Variants in CUX1 observed in about 807,000 individuals in gnomAD.
CUX1 encodes protein CASP.
CUX1 carries 31 observed loss-of-function variants against 158.8 expected under a neutral mutation model. The observed-to-expected ratio is 0.20, with a 90% CI of 0.15 to 0.26. CUX1 has a LOEUF of 0.26. CUX1 is among the 10% of genes least tolerant of loss of function. CUX1 has a pLI of 1.00. For synonymous variants in CUX1, 879 were observed against 862.1 expected, an observed-to-expected ratio of 1.02 and a Z score of -0.34; for missense variants, 1,589 against 2,014.6, an observed-to-expected ratio of 0.79 and a Z score of 4.04.
At chr7:102,159,004 AG>A (rs1563326669) in intron 9 of CUX1, among the ~76,000 whole-genome samples, 1 of 149,002 alleles carries the variant, frequency 6.7e-6, no homozygotes, top group African/African-American at 2.5e-5. Flanking sequence ...GTGTTATCCT[AG>A]GAGAGTTCCT....
intron 1 of CUX1, among the ~76,000 whole-genome samples, chr7:101,880,528 A>G (rs1799605484): frequency 6.6e-6 from 1 of 152,192 alleles, no homozygotes; most frequent in African/African-American, 2.4e-5. Flanking sequence ...GAAATCTCCT[A>G]GGAAAGGACA....
At chr7:102,217,046 C>G (rs904778948) in intron 20 of CUX1, among the ~76,000 whole-genome samples, 5 of 152,108 alleles carry the variant, frequency 3.3e-5, no homozygotes, top group Non-Finnish European at 5.9e-5. Context: ...GATAAGTGTT[C>G]GTACACACAG....
At chr7:101,859,217 G>GGCAT (rs1266946885) in intron 1 of CUX1, among the ~76,000 whole-genome samples, 1 of 152,174 alleles carries the variant, frequency 6.6e-6, no homozygotes, top group East Asian at 1.9e-4. Flanking sequence ...ACTCAGCAAA[G>GGCAT]GCATCCCTCC....
intron 1 of CUX1, chr7:101,913,576 A>G (rs1418826519): frequency 3.8e-6 from 1 of 265,576 alleles, no homozygotes; most frequent in Non-Finnish European, 6.8e-6. Flanking sequence ...CTCATCTGGC[A>G]TCTTCCCCAG....
intron 1 of CUX1, among the ~76,000 whole-genome samples, chr7:101,874,168 C>A (rs28409703): frequency 1.3e-5 from 2 of 152,052 alleles, no homozygotes; most frequent in Admixed American, 6.6e-5. Context: ...TAATTGAATT[C>A]GGATTATTGC....
At chr7:102,055,300 G>A (rs1004025649) in intron 3 of CUX1, among the ~76,000 whole-genome samples, 1 of 151,942 alleles carries the variant, frequency 6.6e-6, no homozygotes, top group African/African-American at 2.4e-5. Context: ...GTTGCATTGA[G>A]CTCCACTTTT....
intron 1 of CUX1, among the ~76,000 whole-genome samples, chr7:101,867,236 AAGAG>A (rs947933521): frequency 1.3e-5 from 2 of 152,226 alleles, no homozygotes; most frequent in South Asian, 2.1e-4. Flanking sequence ...GAAGTAAAAA[AAGAG>A]AGAGAGAAAA....
At chr7:102,025,704 C>A (rs1819939150) in intron 2 of CUX1, among the ~76,000 whole-genome samples, 1 of 152,020 alleles carries the variant, frequency 6.6e-6, no homozygotes, top group African/African-American at 2.4e-5. Context: ...AATAGAAAAT[C>A]ATCTAGTTGA....
chr7:101,882,487 A>T (rs1003617488), intron 1 of CUX1, among the ~76,000 whole-genome samples: 5 of 152,200 alleles, frequency 3.3e-5, no homozygotes, highest in African/African-American at 4.8e-5. Context: ...TGTAGAAATT[A>T]AAAAAGAAAA....
chr7:102,019,200 C>A (rs1410743583), intron 2 of CUX1, among the ~76,000 whole-genome samples: 1 of 152,102 alleles, frequency 6.6e-6, no homozygotes, highest in African/African-American at 2.4e-5. Context: ...CCCTCCCACC[C>A]CACTTTTCAA....
At chr7:102,013,125 C>CA (rs35020263) in intron 2 of CUX1, among the ~76,000 whole-genome samples, 4,938 of 112,500 alleles carry the variant, frequency 0.044, 128 homozygotes, top group African/African-American at 0.065. Context: ...GCCGTCATAC[C>CA]AAAAAAAAAA....
chr7:101,915,486 T>C (rs1188037255), intron 1 of CUX1, among the ~76,000 whole-genome samples: 2 of 152,192 alleles, frequency 1.3e-5, no homozygotes, highest in African/African-American at 2.4e-5. Flanking sequence ...TTGGAAATAA[T>C]TATTCTTGGA....
intron 4 of CUX1, among the ~76,000 whole-genome samples, chr7:102,078,437 T>C (rs1827014701): frequency 6.6e-6 from 1 of 152,194 alleles, no homozygotes; most frequent in South Asian, 2.1e-4. Context: ...CTCCAGAACT[T>C]CTGTGCTTTG....
intron 2 of CUX1, among the ~76,000 whole-genome samples, chr7:101,980,433 C>T (rs185253644): frequency 7.9e-5 from 12 of 152,246 alleles, no homozygotes; most frequent in East Asian, 1.9e-4. Context: ...TTGCTCCACC[C>T]GAGAGGTCGA....
chr7:101,965,040 T>A (rs1195304821), intron 2 of CUX1, among the ~76,000 whole-genome samples: 7 of 152,224 alleles, frequency 4.6e-5, no homozygotes, highest in Non-Finnish European at 7.3e-5. Flanking sequence ...CCTTTTGTTC[T>A]ATAACAAGCC....
At chr7:102,276,446 C>G (rs781804434) in intron 17 of CUX1, among the ~76,000 whole-genome samples, 1 of 152,294 alleles carries the variant, frequency 6.6e-6, no homozygotes, top group Non-Finnish European at 1.5e-5. Context: ...AGATTACAGG[C>G]GTCTGCCATC....
chr7:101,892,974 C>G (rs2131659170), intron 1 of CUX1, among the ~76,000 whole-genome samples: 1 of 152,148 alleles, frequency 6.6e-6, no homozygotes, highest in South Asian at 2.1e-4. Flanking sequence ...GCTAGTTTCT[C>G]TTGTTCTATT....
chr7:102,009,148 G>A (rs1817708010), intron 2 of CUX1, among the ~76,000 whole-genome samples: 1 of 152,242 alleles, frequency 6.6e-6, no homozygotes, highest in African/African-American at 2.4e-5. Context: ...CCCAGAGTTT[G>A]GATTGTAGCC....
chr7:101,992,511 G>A (rs1172104260), intron 2 of CUX1, among the ~76,000 whole-genome samples: 1 of 152,148 alleles, frequency 6.6e-6, no homozygotes, highest in East Asian at 1.9e-4. Flanking sequence ...CCAAGTCCTG[G>A]GCCACACCCT....
Sources: gnomAD v4.1 joint callset for allele counts (sites outside exome capture counted in the v4.1 genomes callset) on GRCh38, gnomAD v4.1.1 for gene constraint, MANE v1.5 for transcripts, NCBI Gene and HGNC (gene_info 2026-07-23, HGNC 2026-07-21) for gene names.